The following UPRT variants were observed in gnomAD, a reference collection of about 807,000 sequenced individuals.
UPRT encodes the protein uracil phosphoribosyltransferase homolog.
In UPRT, 5 loss-of-function variants were observed where a neutral mutation model predicts 22.6. That is an observed-to-expected ratio of 0.22 (90% CI 0.12 to 0.47). The LOEUF (loss-of-function observed/expected upper bound fraction) is 0.47, where lower values mean the gene tolerates loss of function less well. UPRT is among the 20% of genes least tolerant of loss of function. The pLI is 0.99. For missense variants in UPRT, 181 were observed against 239.9 expected (o/e 0.75, Z 1.62); for synonymous variants, 77 against 87.7 (o/e 0.88, Z 0.68).
At chrX:75,292,894 C>T (rs763266643) in intron 1 of UPRT, among the ~76,000 whole-genome samples, 4 of 111,155 alleles carry the variant, frequency 3.6e-5, no homozygotes, top group Non-Finnish European at 7.6e-5. Flanking sequence ...ATGAAGTACT[C>T]ATTTGAAAAA....
intron 4 of UPRT, among the ~76,000 whole-genome samples, chrX:75,261,824 C>T (rs1387059619): frequency 9.0e-6 from 1 of 111,484 alleles, no homozygotes; most frequent in African/African-American, 3.3e-5. Flanking sequence ...TTACCCACCA[C>T]GATCAGGTGG....
intron 4 of UPRT, among the ~76,000 whole-genome samples, chrX:75,186,553 C>G (rs1049780475): frequency 3.6e-5 from 4 of 111,415 alleles, no homozygotes; most frequent in African/African-American, 1.3e-4. Flanking sequence ...TGGTGCAGAG[C>G]TTAGTTCAAT....
intron 4 of UPRT, among the ~76,000 whole-genome samples, chrX:75,180,027 G>A (rs1326050454): frequency 8.9e-6 from 1 of 112,759 alleles, no homozygotes; most frequent in Non-Finnish European, 1.9e-5. Context: ...CCAGGCAGAG[G>A]AGGTGCCAAG....
At chrX:75,243,646 A>G (rs1163462858) in intron 4 of UPRT, among the ~76,000 whole-genome samples, 1 of 111,685 alleles carries the variant, frequency 9.0e-6, no homozygotes, top group Non-Finnish European at 1.9e-5. Flanking sequence ...ATTAGCTAAT[A>G]TAGGTAAATG....
intron 4 of UPRT, among the ~76,000 whole-genome samples, chrX:75,200,077 A>G (rs1011558217): frequency 8.9e-6 from 1 of 112,140 alleles, no homozygotes; most frequent in Non-Finnish European, 1.9e-5. Context: ...AGTCACTCAG[A>G]TGAAATTCCT....
intron 4 of UPRT, among the ~76,000 whole-genome samples, chrX:75,181,873 C>T (rs2082271458): frequency 1.8e-5 from 2 of 111,334 alleles, no homozygotes; most frequent in Middle Eastern, 4.6e-3. Flanking sequence ...TTAGGACTTC[C>T]AGTACTATGT....
intron 4 of UPRT, among the ~76,000 whole-genome samples, chrX:75,181,929 T>A (rs2082271581): frequency 8.9e-6 from 1 of 111,924 alleles, no homozygotes; most frequent in Non-Finnish European, 1.9e-5. Context: ...GTTCTGGTTT[T>A]CAAAGAGAAT....
At chrX:75,252,991 A>T (rs1048012854) in intron 4 of UPRT, among the ~76,000 whole-genome samples, 1 of 110,904 alleles carries the variant, frequency 9.0e-6, no homozygotes, top group African/African-American at 3.3e-5. Context: ...GAATTGAACA[A>T]TGAGAACACA....
intron 4 of UPRT, among the ~76,000 whole-genome samples, chrX:75,230,743 G>T (rs776854505): frequency 9.0e-4 from 101 of 111,645 alleles, no homozygotes; most frequent in Admixed American, 8.6e-4. Flanking sequence ...AGTATCTGTG[G>T]CTGGGAGACC....
chrX:75,284,965 G>T (rs775221373), intron 1 of UPRT, among the ~76,000 whole-genome samples: 23 of 111,105 alleles, frequency 2.1e-4, no homozygotes, highest in African/African-American at 6.2e-4. Context: ...CCTTGGGCCG[G>T]TCTTGCTGTG....
intron 4 of UPRT, among the ~76,000 whole-genome samples, chrX:75,183,861 G>A (rs1483787610): frequency 8.9e-6 from 1 of 112,059 alleles, no homozygotes; most frequent in Non-Finnish European, 1.9e-5. Flanking sequence ...CCCACTTATT[G>A]ATGGGGTTGT....
intron 4 of UPRT, among the ~76,000 whole-genome samples, chrX:75,252,381 G>A (rs773594438): frequency 2.7e-5 from 3 of 112,113 alleles, no homozygotes; most frequent in African/African-American, 9.7e-5. Context: ...AGTGAGGGAA[G>A]GACATGAACA....
chrX:75,158,821 G>T (rs976108373), intron 1 of UPRT, among the ~76,000 whole-genome samples: 73 of 110,962 alleles, frequency 6.6e-4, no homozygotes, highest in Non-Finnish European at 3.6e-4. Flanking sequence ...GCTTAGAGAA[G>T]CTTTCCAAGA....
chrX:75,247,528 G>T (rs1322521835), intron 4 of UPRT, among the ~76,000 whole-genome samples: 1 of 111,996 alleles, frequency 8.9e-6, no homozygotes, highest in Non-Finnish European at 1.9e-5. Context: ...CAGTGAGGCT[G>T]GGGGAGGGGC....
intron 4 of UPRT, among the ~76,000 whole-genome samples, chrX:75,217,458 G>A (rs1334465459): frequency 9.0e-6 from 1 of 111,473 alleles, no homozygotes; most frequent in African/African-American, 3.3e-5. Flanking sequence ...TCTTCCATTT[G>A]TTTGTATCCT....
intron 6 of UPRT, among the ~76,000 whole-genome samples, chrX:75,301,506 G>A (rs1242193820): frequency 8.9e-6 from 1 of 111,969 alleles, no homozygotes; most frequent in East Asian, 2.8e-4. Flanking sequence ...AAGAAAATAA[G>A]TATAGGTGCA....
In UPRT at chrX:75,304,644, T is replaced by A. The variant is rs1053931932; in HGVS notation, c.*1133T>A. 1.2e-4 allele frequency: 13 copies of A among 110,906 alleles called. No individual in the cohort carries two copies. Among genetic ancestry groups the A allele is most frequent in the African/African-American group, 3.9e-4 (12 of 30,471 alleles). 9.1% of individuals were successfully genotyped at this position (110,906 alleles called of 1,213,427 possible). A position where few individuals can be genotyped will look rare whatever the true frequency, so the allele number is the denominator to read the frequency against. On this transcript the variant is annotated 3_prime_UTR_variant, in exon 7 of 7. Coordinates refer to ENST00000373383, the MANE Select transcript of UPRT (RefSeq NM_145052.4). Reference sequence around the variant, plus strand: ...GATTAATTATACTCCCATGGCCCCATAGGAAGCTGTTGTGGGCCTCTGTTC... The same window carrying A: ...GATTAATTATACTCCCATGGCCCCAAAGGAAGCTGTTGTGGGCCTCTGTTC...
In UPRT at chrX:75,223,762, C is replaced by T. The variant is rs1015269037; in HGVS notation, c.-447+55883C>T. On this transcript the variant is annotated intron_variant, in intron 4 of 13. Transcript: ENST00000652605. ...AGCAATTCAAGACTGTATTTCCTAC[C>T]CTCTTCAGTACCACTTTCAGTGATA... Among the ~76,000 whole-genome samples the T allele has an allele frequency of 2.7e-5, 3 of 111,528 alleles. No homozygotes were observed. The Admixed American group carries it at 2.9e-4, about 11-fold the overall frequency.
intron 4 of UPRT, among the ~76,000 whole-genome samples, chrX:75,254,308 TAGTC>T (rs1296491121): frequency 1.8e-5 from 2 of 110,706 alleles, no homozygotes; most frequent in East Asian, 5.6e-4. Flanking sequence ...AAGGGAGAAA[TAGTC>T]AATGAAATAG....
Sources: gnomAD v4.1 joint callset for allele counts (sites outside exome capture counted in the v4.1 genomes callset) on GRCh38, gnomAD v4.1.1 for gene constraint, MANE v1.5 for transcripts, NCBI Gene and HGNC (gene_info 2026-07-23, HGNC 2026-07-21) for gene names.